Variants in COG8 observed in about 807,000 individuals in gnomAD.
COG8 encodes conserved oligomeric Golgi complex subunit 8.
COG8 carries 45 observed loss-of-function variants against 46.5 expected under a neutral mutation model. The ratio of observed to expected loss-of-function variants is 0.97; its 90% confidence interval spans 0.76 to 1.24. The LOEUF is 1.24. Among genes scored for constraint, COG8 ranks in the 50% most tolerant of loss-of-function variants. The pLI is 0.00. For missense variants in COG8, 793 were observed against 820.8 expected (o/e 0.97, Z 0.41); for synonymous variants, 407 against 347.8 (o/e 1.17, Z -1.90).
intron 5 of COG8, chr16:69,330,584 A>G (rs2011734940): frequency 1.4e-6 from 2 of 1,443,632 alleles, no homozygotes; most frequent in Non-Finnish European, 1.8e-6. Context: ...GGCCCCCTTA[A>G]CAGTGACCCG....
At position 69,339,328 on chromosome 16, in the gene COG8, C is replaced by G. The variant is rs764167464; in HGVS notation, c.225G>C (p.Leu75=). The G allele has an allele frequency of 6.2e-7, 1 of 1,607,702 alleles. No homozygotes were observed. Among genetic ancestry groups the G allele is most frequent in the Non-Finnish European group, 8.5e-7 (1 of 1,178,332 alleles). ...PERLAEERAQ[L]LQQTRDLAFA... is the part of the protein sequence containing the mutation. ...AGGCCAAGTCGCGCGTCTGCTGCAG[C>G]AGCTGCGCCCGCTCCTCCGCCAGGC... The change falls in exon 1 of 6, where the codon CTG becomes CTC. Residue 75 remains leucine (L), a synonymous_variant. Transcript: ENST00000306875.
rs146248068 is a variant in COG8 at position 69,336,704 on chromosome 16, A to G, written c.386T>C (p.Val129Ala). 262 of 1,613,996 alleles carry G rather than the reference A, an allele frequency of 1.6e-4. No homozygotes were observed. In the African/African-American group the frequency reaches 2.6e-3, roughly 16 times the overall value. Residue 129 changes from valine (V) to alanine (A), a missense_variant, in exon 2 of 6, where the codon GTG becomes GCG. By Grantham distance (64) the Val-to-Ala change is moderately conservative (BLOSUM62 0). Transcript: ENST00000306875. ...PSFQQSCRNF[V>A]KEAEEISSNR... ...GGAGCTGATCTCCTCGGCTTCCTTC[A>G]CAAAGTTCCTAGTAATAATCAGAAG... is the stretch of plus-strand genomic sequence containing the variant.
rs773334400 is a variant in COG8, at chr16:69,339,522, C to A, written c.31G>T (p.Ala11Ser). 1 of 1,608,184 alleles carries A rather than the reference C, an allele frequency of 6.2e-7. No individual in the cohort carries two copies. Among genetic ancestry groups the A allele is most frequent in the African/African-American group, 1.3e-5 (1 of 74,998 alleles). The change falls in exon 1 of 6, where the codon GCC (alanine) becomes TCC (serine). Residue 11 changes from alanine to serine, a missense_variant. Ala to Ser is a moderately conservative substitution (Grantham distance 99). Coordinates refer to ENST00000306875, the MANE Select transcript of COG8 (RefSeq NM_032382.5). ...CCGAGAGCCGCTGCTGTGGCCGTGG[C>A]TACCGATGGGATAGTCGCCGCGGTC... MATAATIPSVATATAAALGEV... is the reference protein window; with the variant it reads MATAATIPSVSTATAAALGEV...
Position 69,330,805 on chromosome 16 carries a change from T to C in COG8, c.*26+8A>G, listed in dbSNP as rs1222317179. The stretch of plus-strand genomic sequence containing the variant: ...TCCTGGCCACCCCGCGCCGGGAACC[T>C]CACGCACCGCGTTCTGGAGGCAGGG... On this transcript the variant is annotated splice_region_variant and intron_variant, in intron 5 of 5. Coordinates refer to ENST00000306875, the MANE Select transcript of COG8 (RefSeq NM_032382.5). The C allele has an allele frequency of 6.6e-6, 10 of 1,524,038 alleles. No homozygotes were observed. In the African/African-American group the frequency reaches 9.6e-5, roughly 15 times the overall value. The allele number at this position is 1,524,038 out of a possible 1,614,324, so 94.4% of individuals were successfully genotyped here. A position where few individuals can be genotyped will look rare whatever the true frequency, so the allele number is the denominator to read the frequency against.
At chr16:69,334,143 A>G (rs1054652026) in intron 3 of COG8, among the ~76,000 whole-genome samples, 5 of 152,322 alleles carry the variant, frequency 3.3e-5, no homozygotes, top group Middle Eastern at 6.8e-3. Flanking sequence ...TAGTCCAGCC[A>G]ACACCTTGAT....
rs1284147259 is a variant in COG8, at chr16:69,334,921, A to G, written c.1013T>C (p.Ile338Thr). Residue 338 changes from isoleucine to threonine, a missense_variant, in exon 3 of 6, where the codon ATA (isoleucine) becomes ACA (threonine). By Grantham distance (89) the Ile-to-Thr change is moderately conservative. Coordinates refer to ENST00000306875, the MANE Select transcript of COG8 (RefSeq NM_032382.5). ...CAGCAGAGAGTCCAGGTGGCCGCCT[A>G]TGCCCCGGTAAAGGTCGGTCTCCAG... ...QVLETDLYRG[I>T]GGHLDSLLGQ... The G allele has an allele frequency of 6.2e-7, 1 of 1,614,166 alleles. No homozygotes were observed. Among genetic ancestry groups the G allele is most frequent in the Non-Finnish European group, 8.5e-7 (1 of 1,180,030 alleles).
chr16:69,330,221 C>G, intron 5 of COG8: 1 of 1,453,280 alleles, frequency 6.9e-7, no homozygotes, highest in Non-Finnish European at 9.0e-7. Context: ...CCGCGGCACC[C>G]CCAGCTGCGG....
At position 69,327,160 on chromosome 16, in the gene COG8, C is replaced by CA. The variant is rs1491415005; in HGVS notation, c.*2045_*2046insT. 2 of 91,588 alleles carry CA rather than the reference C, an allele frequency of 2.2e-5. No homozygotes were observed. The highest frequency in any genetic ancestry group is 8.9e-5 in the African/African-American group (2 of 22,410). The allele number at this position is 91,588 out of a possible 1,614,324, so 5.7% of individuals were successfully genotyped here. Reference sequence around the variant, plus strand: ...TGCACCAGTATCTGGTTGGGATTCCCTTTTTTTTTTTTTTTTTTTTTTTTT... The same window carrying CA: ...TGCACCAGTATCTGGTTGGGATTCCCATTTTTTTTTTTTTTTTTTTTTTTTT... On this transcript the variant is annotated 3_prime_UTR_variant, in exon 6 of 6. Transcript: ENST00000306875.
In COG8 at chr16:69,330,804, C is replaced by A. The variant is rs1354898945; in HGVS notation, c.*26+9G>T. The A allele has an allele frequency of 6.6e-7, 1 of 1,523,806 alleles. No homozygotes were observed. Among genetic ancestry groups the A allele is most frequent in the Non-Finnish European group, 8.8e-7 (1 of 1,141,104 alleles). 94.4% of individuals were successfully genotyped at this position (1,523,806 alleles called of 1,614,324 possible). A position where few individuals can be genotyped will look rare whatever the true frequency, so the allele number is the denominator to read the frequency against. On this transcript the variant is annotated intron_variant, in intron 5 of 5. Transcript: ENST00000306875. Reference sequence around the variant, plus strand: ...GTCCTGGCCACCCCGCGCCGGGAACCTCACGCACCGCGTTCTGGAGGCAGG... The same window carrying A: ...GTCCTGGCCACCCCGCGCCGGGAACATCACGCACCGCGTTCTGGAGGCAGG...
chr16:69,330,437 C>G (rs1180218989), intron 5 of COG8: 19 of 1,475,394 alleles, frequency 1.3e-5, no homozygotes, highest in Non-Finnish European at 1.6e-5. Flanking sequence ...ATAGGAGCGC[C>G]GCAGCGCCGG....
rs1454920145 is a variant in COG8 at position 69,327,837 on chromosome 16, C to A, written c.*1369G>T. 6.6e-6 allele frequency: 1 copy of A among 151,336 alleles called. No homozygotes were observed. The highest frequency in any genetic ancestry group is 1.5e-5 in the Non-Finnish European group (1 of 67,934). 9.4% of individuals were successfully genotyped at this position (151,336 alleles called of 1,614,324 possible). A position where few individuals can be genotyped will look rare whatever the true frequency, so the allele number is the denominator to read the frequency against. On this transcript the variant is annotated 3_prime_UTR_variant, in exon 6 of 6. Coordinates refer to ENST00000306875, the MANE Select transcript of COG8 (RefSeq NM_032382.5). Reference sequence around the variant, plus strand: ...GGCCAGCCTGGGCAACATAGTAAGACCCCCGTCTCTATCTTAAAAAAAAAA... The same window carrying A: ...GGCCAGCCTGGGCAACATAGTAAGAACCCCGTCTCTATCTTAAAAAAAAAA...
At chr16:69,337,012 T>C (rs991850021) in intron 1 of COG8, among the ~76,000 whole-genome samples, 1 of 152,076 alleles carries the variant, frequency 6.6e-6, no homozygotes, top group Non-Finnish European at 1.5e-5. Flanking sequence ...TAAAACGGTA[T>C]ATAGGGCCAG....
chr16:69,339,033 C>G (rs1162306672), intron 1 of COG8, 143 bp downstream of exon 1: 1 of 1,120,006 alleles, frequency 8.9e-7, no homozygotes, highest in East Asian at 2.4e-5. Context: ...ATCTCGAAGG[C>G]TGTTGTGAGG....
chr16:69,330,197 A>C, intron 5 of COG8: 1 of 1,468,666 alleles, frequency 6.8e-7, no homozygotes, highest in South Asian at 1.4e-5. Context: ...GGGGAGCTCC[A>C]GCGCCAGCAC....
At chr16:69,337,749 T>G (rs1181103300) in intron 1 of COG8, among the ~76,000 whole-genome samples, 1 of 152,024 alleles carries the variant, frequency 6.6e-6, no homozygotes, top group Non-Finnish European at 1.5e-5. Context: ...TTTTTTTTTT[T>G]TGAGACGGAG....
intron 5 of COG8, 174 bp downstream of exon 5, chr16:69,330,639 G>A: frequency 7.1e-7 from 1 of 1,401,218 alleles, no homozygotes; most frequent in East Asian, 2.8e-5. Flanking sequence ...GGGAAGCGCC[G>A]TCGGCCAGCA....
chr16:69,339,420 C>G lies in COG8; in HGVS notation c.133G>C (p.Asp45His), dbSNP rs780800557. The change falls in exon 1 of 6, where the codon GAT (aspartate) becomes CAT (histidine). Residue 45 changes from aspartate to histidine, a missense_variant. Physicochemically the swap from Asp to His is moderately conservative, Grantham distance 81. Transcript: ENST00000306875. ...FPEAQWRERP[D>H]VGRYLRELSG... Reference sequence around the variant, plus strand: ...AACTCCCGGAGGTAGCGGCCCACATCGGGCCGCTCGCGCCACTGGGCCTCG... The same window carrying G: ...AACTCCCGGAGGTAGCGGCCCACATGGGGCCGCTCGCGCCACTGGGCCTCG... 8.2e-6 allele frequency: 13 copies of G among 1,582,882 alleles called. No individual in the cohort carries two copies. Among genetic ancestry groups the G allele is most frequent in the South Asian group, 6.7e-5 (6 of 89,042 alleles).
chr16:69,331,228 G>A (rs2011808853), intron 4 of COG8, 133 bp from the exon 5 acceptor site: 4 of 901,842 alleles, frequency 4.4e-6, no homozygotes, highest in Non-Finnish European at 7.0e-6. Flanking sequence ...AGGGGGGGGC[G>A]GATCACCTGA....
chr16:69,338,123 C>G (rs2012308185), intron 1 of COG8: 1 of 153,066 alleles, frequency 6.5e-6, no homozygotes, highest in South Asian at 2.0e-4. Flanking sequence ...ACCTCCCAAA[C>G]TGGAGTGCGG....
Sources: gnomAD v4.1 joint callset for allele counts (sites outside exome capture counted in the v4.1 genomes callset) on GRCh38, gnomAD v4.1.1 for gene constraint, MANE v1.5 for transcripts, NCBI Gene and HGNC (gene_info 2026-07-23, HGNC 2026-07-21) for gene names.